The following OPCML variants were observed in gnomAD, a reference collection of about 807,000 sequenced individuals.
OPCML encodes the protein opioid binding protein/cell adhesion molecule like, also known as opioid-binding protein/cell adhesion molecule.
Under a neutral mutation model 37.8 loss-of-function variants are expected in OPCML, and 13 were observed. The ratio of observed to expected loss-of-function variants is 0.34; its 90% CI spans 0.22 to 0.55. OPCML has a LOEUF of 0.55. Ranked by LOEUF, OPCML falls within the 20% of genes least tolerant of loss-of-function variation. The pLI, the probability that OPCML is intolerant of heterozygous loss-of-function variation, is 0.91. For missense variants in OPCML, 341 were observed against 435.6 expected, an observed-to-expected ratio of 0.78 and a Z score of 1.93; for synonymous variants, 176 against 168.8, an observed-to-expected ratio of 1.04 and a Z score of -0.33.
intron 2 of OPCML, among the ~76,000 whole-genome samples, chr11:132,714,054 A>T (rs1944374855): frequency 6.6e-6 from 1 of 152,238 alleles, no homozygotes; most frequent in Non-Finnish European, 1.5e-5. Flanking sequence ...TTGTTTATGA[A>T]AATTTTAAAT....
Position 132,419,999 on chromosome 11 carries a change from C to T in OPCML, c.*194G>A. ...ATCCTACACGTGGTAGAACCCTGCC[C>T]ACCCCGCCCCCAACCCCACTCATTC... is the stretch of plus-strand genomic sequence containing the variant. On this transcript the variant is annotated 3_prime_UTR_variant, in exon 8 of 8. Coordinates refer to ENST00000524381, the MANE Select transcript of OPCML (RefSeq NM_001012393.5). 7.6e-6 allele frequency: 3 copies of T among 394,488 alleles called. No homozygotes were observed. Among genetic ancestry groups the T allele is most frequent in the South Asian group, 4.5e-5 (2 of 44,470 alleles). The allele number at this position is 394,488 out of a possible 1,614,324, so 24.4% of individuals were successfully genotyped here.
In OPCML at chr11:132,943,437, C is replaced by T. The variant is rs188942292; in HGVS notation, c.62-427G>A. ...ATTGCGCTTTCTCTGCCTCTCTCTT[C>T]GAGACGCTACTTTAAGATTCAGTTG... On this transcript the variant is annotated intron_variant, in intron 1 of 7. Coordinates refer to ENST00000524381, the MANE Select transcript of OPCML (RefSeq NM_001012393.5). The surrounding 1 kb of genome is among the most constrained non-coding windows in gnomAD (Gnocchi z 4.3). 2.9e-6 allele frequency: 1 copy of T among 346,162 alleles called. No individual in the cohort carries two copies. The highest frequency in any genetic ancestry group is 2.0e-5 in the African/African-American group (1 of 49,126). The allele number at this position is 346,162 out of a possible 1,614,324, so 21.4% of individuals were successfully genotyped here.
At chr11:132,663,853 G>A (rs1942095335) in intron 2 of OPCML, among the ~76,000 whole-genome samples, 1 of 152,228 alleles carries the variant, frequency 6.6e-6, no homozygotes, top group East Asian at 1.9e-4. Flanking sequence ...TTTGTTTTGA[G>A]ACGGAGTCTC....
rs1939399080 is a variant in OPCML, at chr11:133,212,387, G to A, written c.62-269377C>T. Reference sequence around the variant, plus strand: ...TCCTAGCCACACTGACTACTCTGCTGTTCATCAAATACATCAAGAATTTCG... The same window carrying A: ...TCCTAGCCACACTGACTACTCTGCTATTCATCAAATACATCAAGAATTTCG... On this transcript the variant is annotated intron_variant, in intron 1 of 7. Coordinates refer to ENST00000524381, the MANE Select transcript of OPCML (RefSeq NM_001012393.5). The surrounding 1 kb of genome is among the most constrained non-coding windows in gnomAD (Gnocchi z 4.9). 6.6e-6 allele frequency among the ~76,000 whole-genome samples: 1 copy of A among 152,084 alleles called. No homozygotes were observed. Among genetic ancestry groups the A allele is most frequent in the Non-Finnish European group, 1.5e-5 (1 of 68,014 alleles).
chr11:133,129,627 G>T (rs573023384), intron 1 of OPCML, among the ~76,000 whole-genome samples: 1 of 152,290 alleles, frequency 6.6e-6, no homozygotes, highest in South Asian at 2.1e-4. Context: ...CAAGGACTGG[G>T]TGTGGTGTCT....
At chr11:132,780,578 A>G (rs543385177) in intron 2 of OPCML, among the ~76,000 whole-genome samples, 2 of 152,340 alleles carry the variant, frequency 1.3e-5, no homozygotes, top group Admixed American at 1.3e-4. Context: ...TCCTCCTGCA[A>G]ATCCATGAGT....
In OPCML at chr11:132,651,817, C is replaced by G. The variant is rs148577991; in HGVS notation, c.379+5270G>C. Among the ~76,000 whole-genome samples the G allele has an allele frequency of 3.5e-3, 535 of 152,284 alleles. 4 individuals carry two copies. Among genetic ancestry groups the G allele is most frequent in the African/African-American group, 0.012 (519 of 41,540 alleles). On this transcript the variant is annotated intron_variant, in intron 3 of 7. Coordinates refer to ENST00000524381, the MANE Select transcript of OPCML (RefSeq NM_001012393.5). ...ATTGCATAAGCTTGCTGTGGAGCCT[C>G]CTATGTAAGAATTTAATAAAATTCA...
chr11:133,454,016 G>T (rs1013033170), intron 1 of OPCML, among the ~76,000 whole-genome samples: 2 of 152,160 alleles, frequency 1.3e-5, no homozygotes, highest in African/African-American at 2.4e-5. Flanking sequence ...TCTTGGGTTT[G>T]GAAGGGACGT....
At chr11:132,771,675 C>G (rs554931741) in intron 2 of OPCML, 1 of 152,158 alleles carries the variant, frequency 6.6e-6, no homozygotes, top group South Asian at 2.1e-4. Context: ...CATCAATTAA[C>G]AATATCAGAG....
rs1413447592 is a variant in OPCML at position 133,083,892 on chromosome 11, TCTTA to T, written c.62-140886_62-140883del. 5.3e-5 allele frequency among the ~76,000 whole-genome samples: 8 copies of T among 152,366 alleles called. No individual in the cohort carries two copies. The East Asian group carries it at 1.2e-3, about 22-fold the overall frequency. On this transcript the variant is annotated intron_variant, in intron 1 of 7. Transcript: ENST00000524381. ...AATCCTAAATGTTCTCTCTTTGAAT[TCTTA>T]CTGTGTGAAAAATTCATTTGGCAAT...
At chr11:132,930,060 T>A (rs974395490) in intron 2 of OPCML, among the ~76,000 whole-genome samples, 1 of 152,096 alleles carries the variant, frequency 6.6e-6, no homozygotes, top group Non-Finnish European at 1.5e-5. Flanking sequence ...GCATTCTACC[T>A]GAAGCAATAA....
At chr11:132,744,515 G>T (rs2136047965) in intron 2 of OPCML, among the ~76,000 whole-genome samples, 1 of 152,316 alleles carries the variant, frequency 6.6e-6, no homozygotes. Flanking sequence ...TAGCCAGGCT[G>T]CTGTAAGCAT....
At chr11:132,558,294 TTCTCCCCTCCTCC>T (rs1449595970) in intron 3 of OPCML, among the ~76,000 whole-genome samples, 1 of 109,406 alleles carries the variant, frequency 9.1e-6, no homozygotes, top group Non-Finnish European at 1.8e-5. Flanking sequence ...CCTCTTCCTC[TTCTCCCCTCCTCC>T]TCTCCCCCTC....
chr11:133,240,785 A>G (rs577478951), intron 1 of OPCML, among the ~76,000 whole-genome samples: 24 of 152,178 alleles, frequency 1.6e-4, no homozygotes, highest in Non-Finnish European at 2.9e-4. Flanking sequence ...CCTTCTCCTT[A>G]GGCAACAAAT....
intron 1 of OPCML, among the ~76,000 whole-genome samples, chr11:133,203,926 T>C (rs2136324380): frequency 6.6e-6 from 1 of 151,774 alleles, no homozygotes; most frequent in Non-Finnish European, 1.5e-5. Flanking sequence ...GGCATGGTGG[T>C]GGGCACCTGT....
At chr11:132,710,052 A>C (rs1944199497) in intron 2 of OPCML, among the ~76,000 whole-genome samples, 2 of 152,200 alleles carry the variant, frequency 1.3e-5, no homozygotes, top group Non-Finnish European at 2.9e-5. Context: ...CCCATTTATA[A>C]TCTAAGTACA....
At chr11:132,498,323 T>G (rs1464676065) in intron 4 of OPCML, among the ~76,000 whole-genome samples, 2 of 152,204 alleles carry the variant, frequency 1.3e-5, no homozygotes, top group African/African-American at 2.4e-5. Flanking sequence ...GGTCATCTGT[T>G]TTTTCTTGTG....
chr11:133,034,184 C>T (rs1179582842), intron 1 of OPCML, among the ~76,000 whole-genome samples: 1 of 152,078 alleles, frequency 6.6e-6, no homozygotes, highest in Non-Finnish European at 1.5e-5. Flanking sequence ...GCCTAGTATA[C>T]CTCTATTCTT....
chr11:133,242,088 T>C (rs1372384370), intron 1 of OPCML, among the ~76,000 whole-genome samples: 1 of 152,206 alleles, frequency 6.6e-6, no homozygotes, highest in Non-Finnish European at 1.5e-5. Context: ...GTAAGAAGTT[T>C]GAATCCTCCC....
Sources: allele counts gnomAD v4.1 joint callset (sites outside exome capture counted in the v4.1 genomes callset), GRCh38; gene constraint gnomAD v4.1.1; non-coding constraint Gnocchi (gnomAD v3.1); transcripts MANE v1.5; gene names NCBI Gene and HGNC (gene_info 2026-07-23, HGNC 2026-07-21).